IL1RAPL2: variants seen among roughly 807,000 people sequenced by gnomAD.
The protein encoded by IL1RAPL2 is X-linked interleukin-1 receptor accessory protein-like 2.
IL1RAPL2 carries 3 observed loss-of-function variants against 44.1 expected under a neutral mutation model. The observed-to-expected ratio is 0.07, with a 90% confidence interval of 0.03 to 0.18. The LOEUF is 0.18. Ranked by LOEUF, IL1RAPL2 falls within the 10% of genes least tolerant of loss-of-function variation. The pLI is 1.00. For synonymous variants in IL1RAPL2, 181 were observed against 178.8 expected, an observed-to-expected ratio of 1.01 and a Z score of -0.10; for missense variants, 391 against 496.4, an observed-to-expected ratio of 0.79 and a Z score of 2.02.
intron 6 of IL1RAPL2, among the ~76,000 whole-genome samples, chrX:105,622,278 AAATAATAATAAT>A (rs374952697): frequency 2.2e-4 from 22 of 99,393 alleles, no homozygotes; most frequent in African/African-American, 6.3e-4. Context: ...AAGTCAATAA[AAATAATAATAAT>A]AATAATAATA....
At chrX:104,678,910 C>A in intron 2 of IL1RAPL2, among the ~76,000 whole-genome samples, 1 of 110,747 alleles carries the variant, frequency 9.0e-6, no homozygotes, top group Non-Finnish European at 1.9e-5. Flanking sequence ...CACCATGGCA[C>A]GTGTATACCT....
chrX:105,155,917 T>C (rs2033264965), intron 2 of IL1RAPL2, among the ~76,000 whole-genome samples: 1 of 111,425 alleles, frequency 9.0e-6, no homozygotes, highest in South Asian at 3.8e-4. Flanking sequence ...CTAAGAGTAC[T>C]TGTCCCAACG....
At chrX:104,950,442 G>C (rs1170962648) in intron 2 of IL1RAPL2, among the ~76,000 whole-genome samples, 2 of 112,510 alleles carry the variant, frequency 1.8e-5, no homozygotes, top group Non-Finnish European at 3.8e-5. Context: ...CCTGCCCCTA[G>C]AGGTGGAGCC....
chrX:105,311,788 A>T (rs2034799976), intron 5 of IL1RAPL2, among the ~76,000 whole-genome samples: 1 of 111,239 alleles, frequency 9.0e-6, no homozygotes, highest in South Asian at 3.7e-4. Context: ...TAAGACCAGG[A>T]GGCAGCTCCA....
intron 2 of IL1RAPL2, among the ~76,000 whole-genome samples, chrX:105,041,915 T>A (rs1256942310): frequency 9.0e-6 from 1 of 110,511 alleles, no homozygotes; most frequent in Non-Finnish European, 1.9e-5. Flanking sequence ...CCCTCAGAAA[T>A]AACGCCGCAT....
At chrX:105,038,521 C>T (rs1399746497) in intron 2 of IL1RAPL2, among the ~76,000 whole-genome samples, 1 of 111,176 alleles carries the variant, frequency 9.0e-6, no homozygotes. Context: ...GGTGGAAGAG[C>T]AGTGGCTGTA....
At chrX:105,551,399 G>A (rs977918601) in intron 6 of IL1RAPL2, among the ~76,000 whole-genome samples, 2 of 109,876 alleles carry the variant, frequency 1.8e-5, no homozygotes, top group Admixed American at 9.7e-5. Context: ...AAGAACCTCA[G>A]ATGTTCCATT....
intron 1 of IL1RAPL2, among the ~76,000 whole-genome samples, 162 bp downstream of exon 1, chrX:104,567,213 C>G (rs1186841167): frequency 8.0e-5 from 9 of 112,927 alleles, no homozygotes; most frequent in Non-Finnish European, 1.7e-4. Context: ...CTTTCTCTTC[C>G]TTTAGCCTTC....
chrX:105,528,230 A>T (rs2036607388), intron 6 of IL1RAPL2, among the ~76,000 whole-genome samples: 1 of 111,589 alleles, frequency 9.0e-6, no homozygotes, highest in Admixed American at 9.5e-5. Flanking sequence ...GTACTTTTTT[A>T]TCTGTTATCT....
At chrX:104,641,123 G>T (rs895777331) in intron 1 of IL1RAPL2, among the ~76,000 whole-genome samples, 5 of 112,016 alleles carry the variant, frequency 4.5e-5, no homozygotes, top group Non-Finnish European at 7.5e-5. Flanking sequence ...ATTGATGTTG[G>T]TAGTGGCTGT....
intron 5 of IL1RAPL2, among the ~76,000 whole-genome samples, chrX:105,370,774 C>G (rs1311069394): frequency 8.9e-6 from 1 of 111,762 alleles, no homozygotes; most frequent in African/African-American, 3.3e-5. Flanking sequence ...AATGGTAGTT[C>G]TCTTTTAAGT....
At chrX:104,839,426 G>A (rs977322896) in intron 2 of IL1RAPL2, among the ~76,000 whole-genome samples, 2 of 111,783 alleles carry the variant, frequency 1.8e-5, no homozygotes, top group Non-Finnish European at 3.8e-5. Flanking sequence ...TGCATCCCAG[G>A]GATGAAGTTG....
intron 2 of IL1RAPL2, among the ~76,000 whole-genome samples, chrX:104,716,669 A>C (rs1444061987): frequency 8.9e-6 from 1 of 111,881 alleles, no homozygotes; most frequent in Non-Finnish European, 1.9e-5. Context: ...GCATATGAAA[A>C]AAAGCCCAAC....
At chrX:105,476,379 G>A (rs1013721715) in intron 5 of IL1RAPL2, among the ~76,000 whole-genome samples, 3 of 112,166 alleles carry the variant, frequency 2.7e-5, no homozygotes, top group Non-Finnish European at 5.6e-5. Flanking sequence ...TTAATGAAGC[G>A]AATTATTTTT....
Position 105,072,342 on chromosome X carries a change from A to G in IL1RAPL2, c.83-123133A>G, listed in dbSNP as rs184041035. Among the ~76,000 whole-genome samples, 4 of 111,637 alleles carry G rather than the reference A, an allele frequency of 3.6e-5. No individual in the cohort carries two copies. The East Asian group carries it at 1.1e-3, about 32-fold the overall frequency. ...AGTCTTGGGTACTATCTTTATAACA[A>G]TGTGACATCAGGCTAAAATAGGAAA... On this transcript the variant is annotated intron_variant, in intron 2 of 10. Coordinates refer to ENST00000372582, the MANE Select transcript of IL1RAPL2 (RefSeq NM_017416.2).
At chrX:105,336,995 A>G (rs2035033354) in intron 5 of IL1RAPL2, among the ~76,000 whole-genome samples, 4 of 111,252 alleles carry the variant, frequency 3.6e-5, no homozygotes, top group Admixed American at 2.9e-4. Context: ...TTCCACCTCC[A>G]ATACCTTATT....
Position 105,222,168 on chromosome X carries a change from A to C in IL1RAPL2, c.357-11650A>C, listed in dbSNP as rs782419305. The stretch of plus-strand genomic sequence containing the variant: ...TTATCCACCATCATTTATGTACCTA[A>C]GGGACTAAGCCATACAGGGATACAC... On this transcript the variant is annotated intron_variant, in intron 3 of 10. Transcript: ENST00000372582. Among the ~76,000 whole-genome samples, 10 of 112,044 alleles carry C rather than the reference A, an allele frequency of 8.9e-5. No homozygotes were observed. In the South Asian group the frequency reaches 3.7e-3, roughly 42 times the overall value.
At chrX:104,816,897 T>C (rs752222160) in intron 2 of IL1RAPL2, among the ~76,000 whole-genome samples, 1 of 112,652 alleles carries the variant, frequency 8.9e-6, no homozygotes, top group Non-Finnish European at 1.9e-5. Flanking sequence ...CTAAGTAACT[T>C]GGTAGCTGCT....
intron 2 of IL1RAPL2, among the ~76,000 whole-genome samples, chrX:104,838,172 C>G (rs1921793736): frequency 9.0e-6 from 1 of 111,636 alleles, no homozygotes; most frequent in Non-Finnish European, 1.9e-5. Context: ...ATGCCTCCAG[C>G]TTTGTTCTTT....
Sources: gnomAD v4.1 joint callset for allele counts (sites outside exome capture counted in the v4.1 genomes callset) on GRCh38, gnomAD v4.1.1 for gene constraint, MANE v1.5 for transcripts, NCBI Gene and HGNC (gene_info 2026-07-23, HGNC 2026-07-21) for gene names.